Variants in MEI4 observed in about 807,000 individuals in gnomAD.
The protein encoded by MEI4 is meiosis-specific protein MEI4.
MEI4 carries 27 observed loss-of-function variants against 31.4 expected under a neutral mutation model. The observed-to-expected ratio is 0.86, with a 90% CI of 0.63 to 1.19. The LOEUF is 1.19. MEI4 is among the 50% of genes most tolerant of loss of function. The probability of loss-of-function intolerance (pLI) is 0.00; values close to 1 mark genes in which losing one functional copy is unlikely to be tolerated. For synonymous variants in MEI4, 122 were observed against 145.4 expected, an observed-to-expected ratio of 0.84 and a Z score of 1.16; for missense variants, 329 against 398.9, an observed-to-expected ratio of 0.82 and a Z score of 1.49.
At chr6:77,877,892 A>G (rs1771383210) in intron 4 of MEI4, among the ~76,000 whole-genome samples, 1 of 152,104 alleles carries the variant, frequency 6.6e-6, no homozygotes, top group South Asian at 2.1e-4. Flanking sequence ...AAGATAATCC[A>G]TGGTATGACT....
intron 2 of MEI4, among the ~76,000 whole-genome samples, chr6:77,697,255 T>A (rs1173943083): frequency 2.0e-5 from 3 of 152,188 alleles, no homozygotes; most frequent in African/African-American, 7.2e-5. Context: ...GTTTTTTGTG[T>A]CTCTATTTCC....
At position 77,878,976 on chromosome 6, in the gene MEI4, C is replaced by T. The variant is rs183056679; in HGVS notation, c.901-44113C>T. On this transcript the variant is annotated intron_variant, in intron 4 of 4. Coordinates refer to ENST00000684080, the MANE Select transcript of MEI4 (RefSeq NM_001322247.2). ...TTTGCATACTCAGTGACCTAAACTA[C>T]TAACCTTTTAAAGGCAATCAGAATC... Among the ~76,000 whole-genome samples, 57 of 152,204 alleles carry T rather than the reference C, an allele frequency of 3.7e-4. No individual in the cohort carries two copies. The East Asian group carries it at 8.7e-3, about 23-fold the overall frequency.
At chr6:77,906,262 G>A (rs1319519052) in intron 4 of MEI4, among the ~76,000 whole-genome samples, 1 of 151,972 alleles carries the variant, frequency 6.6e-6, no homozygotes, top group Non-Finnish European at 1.5e-5. Context: ...TTGTTGCTTT[G>A]TGCTGATGTC....
In MEI4 at chr6:77,851,559, C is replaced by T. The variant is rs190253787; in HGVS notation, c.900+22497C>T. Reference sequence around the variant, plus strand: ...CAAAAAACCAAACACCGCATGTTCTCGCTCATAGGTGGGAATTGAACAATG... The same window carrying T: ...CAAAAAACCAAACACCGCATGTTCTTGCTCATAGGTGGGAATTGAACAATG... On this transcript the variant is annotated intron_variant, in intron 4 of 4. Coordinates refer to ENST00000684080, the MANE Select transcript of MEI4 (RefSeq NM_001322247.2). Among the ~76,000 whole-genome samples, 396 of 143,384 alleles carry T rather than the reference C, an allele frequency of 2.8e-3. 1 individual carries two copies. The highest frequency in any genetic ancestry group is 7.8e-3 in the Middle Eastern group (2 of 256). The allele number at this position is 143,384 out of a possible 152,430, so 94.1% of individuals were successfully genotyped here.
intron 4 of MEI4, among the ~76,000 whole-genome samples, chr6:77,902,421 A>G (rs1766204228): frequency 6.6e-6 from 1 of 151,484 alleles, no homozygotes; most frequent in Non-Finnish European, 1.5e-5. Flanking sequence ...TAGTTTTTTC[A>G]CCTCCTTGGT....
intron 4 of MEI4, among the ~76,000 whole-genome samples, chr6:77,920,115 T>C (rs1393693005): frequency 6.7e-6 from 1 of 150,016 alleles, no homozygotes; most frequent in Admixed American, 6.7e-5. Flanking sequence ...TTCCAATCAA[T>C]AGAAAAAGAG....
intron 4 of MEI4, among the ~76,000 whole-genome samples, chr6:77,879,827 G>C (rs1028568593): frequency 2.0e-5 from 3 of 152,118 alleles, no homozygotes; most frequent in South Asian, 4.1e-4. Flanking sequence ...GCACTTCCCA[G>C]AGTATTTGGG....
chr6:77,815,497 C>G (rs1305191069), intron 3 of MEI4, among the ~76,000 whole-genome samples: 7 of 152,014 alleles, frequency 4.6e-5, no homozygotes, highest in Non-Finnish European at 7.4e-5. Flanking sequence ...TGATATTTGG[C>G]TGAAATTAGA....
intron 4 of MEI4, among the ~76,000 whole-genome samples, chr6:77,888,543 A>G (rs1013802724): frequency 7.2e-5 from 11 of 152,054 alleles, no homozygotes; most frequent in Non-Finnish European, 1.5e-4. Flanking sequence ...CTGGTGATGA[A>G]TTCCCTCAGT....
intron 2 of MEI4, among the ~76,000 whole-genome samples, chr6:77,729,359 G>T (rs1277563431): frequency 6.6e-6 from 1 of 152,146 alleles, no homozygotes; most frequent in East Asian, 1.9e-4. Context: ...GGCATAAATG[G>T]GTTATTAAAA....
At chr6:77,863,023 T>G (rs1392193011) in intron 4 of MEI4, among the ~76,000 whole-genome samples, 1 of 152,078 alleles carries the variant, frequency 6.6e-6, no homozygotes, top group Non-Finnish European at 1.5e-5. Context: ...TCTTGACTGT[T>G]AGAAGGAAAA....
chr6:77,691,117 A>G, intron 2 of MEI4, among the ~76,000 whole-genome samples: 1 of 152,110 alleles, frequency 6.6e-6, no homozygotes, highest in East Asian at 1.9e-4. Flanking sequence ...TAGAGAATGA[A>G]AATAGTATAG....
chr6:77,918,567 T>C (rs1348370561), intron 4 of MEI4, among the ~76,000 whole-genome samples: 3 of 149,864 alleles, frequency 2.0e-5, no homozygotes, highest in Non-Finnish European at 3.0e-5. Context: ...TGGCTCTCTG[T>C]TTGTCTGTTG....
intron 2 of MEI4, among the ~76,000 whole-genome samples, chr6:77,699,107 C>T (rs1766136811): frequency 6.6e-6 from 1 of 151,978 alleles, no homozygotes; most frequent in Admixed American, 6.5e-5. Flanking sequence ...GAGCCTTGGC[C>T]TTCAGCTCCA....
In MEI4 at chr6:77,923,132, A is replaced by G; in HGVS notation, c.944A>G (p.Tyr315Cys). Residue 315 changes from tyrosine to cysteine, a missense_variant, in exon 5 of 5, where the codon TAC becomes TGC. Transcript: ENST00000684080. ...GTGTCACGCTATGAAAACATTTTCT[A>G]CCTGTTCTGGGTTCTGGAGCAGCTT... ...YDVSRYENIF[Y>C]LFWVLEQLLQ... 8.1e-7 allele frequency: 1 copy of G among 1,230,496 alleles called. No homozygotes were observed. The highest frequency in any genetic ancestry group is 1.0e-6 in the Non-Finnish European group (1 of 986,794). The allele number at this position is 1,230,496 out of a possible 1,614,324, so 76.2% of individuals were successfully genotyped here. A position where few individuals can be genotyped will look rare whatever the true frequency, so the allele number is the denominator to read the frequency against.
intron 4 of MEI4, among the ~76,000 whole-genome samples, chr6:77,876,808 AAT>A (rs1296787651): frequency 6.6e-6 from 1 of 152,182 alleles, no homozygotes; most frequent in Non-Finnish European, 1.5e-5. Context: ...GACTTACAAA[AAT>A]ATGAGGCAAA....
At chr6:77,875,585 A>T (rs16889501) in intron 4 of MEI4, among the ~76,000 whole-genome samples, 5 of 152,212 alleles carry the variant, frequency 3.3e-5, no homozygotes, top group Non-Finnish European at 7.3e-5. Flanking sequence ...ATTTGTCAGC[A>T]TTCAAAAAAT....
At chr6:77,850,145 A>G (rs891270988) in intron 4 of MEI4, among the ~76,000 whole-genome samples, 1 of 152,144 alleles carries the variant, frequency 6.6e-6, no homozygotes, top group African/African-American at 2.4e-5. Context: ...AGTGGTTTGT[A>G]GTTCTCCTTG....
chr6:77,786,568 A>G (rs1166783388), intron 3 of MEI4, among the ~76,000 whole-genome samples: 3 of 152,178 alleles, frequency 2.0e-5, no homozygotes, highest in Non-Finnish European at 4.4e-5. Context: ...GAAATGTAAT[A>G]AGACGGGAAA....
Sources: gnomAD v4.1 joint callset for allele counts (sites outside exome capture counted in the v4.1 genomes callset) on GRCh38, gnomAD v4.1.1 for gene constraint, MANE v1.5 for transcripts, NCBI Gene and HGNC (gene_info 2026-07-23, HGNC 2026-07-21) for gene names.